The following VPS8 variants were observed in gnomAD, a reference collection of about 807,000 sequenced individuals.
The protein encoded by VPS8 is vacuolar protein sorting-associated protein 8 homolog.
A neutral mutation model predicts 216.4 loss-of-function variants in VPS8; 129 were observed. That is an observed-to-expected ratio of 0.60 (90% CI 0.52 to 0.69). VPS8 has a LOEUF of 0.69. VPS8 is among the 30% of genes least tolerant of loss of function. VPS8 has a pLI of 0.00. For synonymous variants in VPS8, 571 were observed against 565.4 expected, an observed-to-expected ratio of 1.01 and a Z score of -0.14; for missense variants, 1,531 against 1,683.5, an observed-to-expected ratio of 0.91 and a Z score of 1.59.
intron 21 of VPS8, among the ~76,000 whole-genome samples, chr3:184,878,030 G>A (rs572918871): frequency 6.6e-5 from 10 of 152,176 alleles, no homozygotes; most frequent in Middle Eastern, 6.8e-3. Flanking sequence ...TTGAAACAAC[G>A]TAGAGGTATA....
intron 3 of VPS8, among the ~76,000 whole-genome samples, chr3:184,830,269 GATCTGA>G (rs1560290354): frequency 6.6e-6 from 1 of 152,092 alleles, no homozygotes; most frequent in Non-Finnish European, 1.5e-5. Flanking sequence ...TATAGGTGTG[GATCTGA>G]GTCCATTGGT....
Position 184,923,360 on chromosome 3 carries a change from CAT to C in VPS8, c.2455-1501_2455-1500del, listed in dbSNP as rs1433013733. On this transcript the variant is annotated intron_variant, in intron 29 of 47. Coordinates refer to ENST00000625842, the MANE Select transcript of VPS8 (RefSeq NM_001009921.3). ...TCCTGTTTCATTGTTCCTTTAACCA[CAT>C]GTTTCCACACATAGGAATACTTGTC... 5.9e-5 allele frequency among the ~76,000 whole-genome samples: 9 copies of C among 152,290 alleles called. No individual in the cohort carries two copies. In the East Asian group the frequency reaches 1.2e-3, roughly 20 times the overall value.
At chr3:184,962,721 TTAAGTGTG>T (rs1253607466) in intron 37 of VPS8, among the ~76,000 whole-genome samples, 2 of 89,330 alleles carry the variant, frequency 2.2e-5, no homozygotes, top group Non-Finnish European at 4.4e-5. Context: ...TCTTTAAGGC[TTAAGTGTG>T]TGTGTGTGTG....
intron 8 of VPS8, 31 bp downstream of exon 8, chr3:184,843,276 G>C: frequency 1.5e-6 from 2 of 1,376,228 alleles, no homozygotes; most frequent in African/African-American, 2.9e-5. Context: ...TTGCATGAAT[G>C]GTTTCTTTTG....
chr3:185,050,591 C>T (rs1235352550), intron 47 of VPS8, among the ~76,000 whole-genome samples: 2 of 152,212 alleles, frequency 1.3e-5, no homozygotes, highest in African/African-American at 4.8e-5. Flanking sequence ...GAATCCCACA[C>T]CGCCACTCAC....
chr3:185,015,532 C>G (rs1452937664), intron 45 of VPS8, among the ~76,000 whole-genome samples: 4 of 152,190 alleles, frequency 2.6e-5, no homozygotes, highest in Non-Finnish European at 5.9e-5. Context: ...AAAACTTTAC[C>G]TGTTGATCCA....
intron 14 of VPS8, among the ~76,000 whole-genome samples, chr3:184,858,889 A>G (rs1725770984): frequency 1.3e-5 from 2 of 152,032 alleles, no homozygotes; most frequent in East Asian, 3.9e-4. Flanking sequence ...TCAGGATCAC[A>G]CTGATAAAAC....
intron 37 of VPS8, among the ~76,000 whole-genome samples, chr3:184,962,638 A>T (rs1429028327): frequency 1.3e-5 from 2 of 151,490 alleles, no homozygotes; most frequent in African/African-American, 4.9e-5. Context: ...TATGTGTTGG[A>T]GGTACTTTCT....
intron 46 of VPS8, among the ~76,000 whole-genome samples, chr3:185,027,178 G>A (rs896706291): frequency 1.3e-4 from 19 of 151,296 alleles, no homozygotes; most frequent in Non-Finnish European, 1.8e-4. Context: ...CTGTGAAGGC[G>A]CCAAGGAAAG....
intron 21 of VPS8, among the ~76,000 whole-genome samples, chr3:184,871,576 G>C (rs74764420): frequency 6.6e-6 from 1 of 152,008 alleles, no homozygotes; most frequent in Non-Finnish European, 1.5e-5. Flanking sequence ...CCTTAAAATT[G>C]TAAAGTCCAT....
chr3:184,918,151 G>C (rs1233365950), intron 28 of VPS8, among the ~76,000 whole-genome samples: 3 of 152,174 alleles, frequency 2.0e-5, no homozygotes, highest in Non-Finnish European at 4.4e-5. Flanking sequence ...GATATTTTAA[G>C]AGGCAAATCA....
intron 1 of VPS8, among the ~76,000 whole-genome samples, chr3:184,814,299 C>T (rs1202880027): frequency 1.3e-5 from 2 of 152,200 alleles, no homozygotes; most frequent in African/African-American, 4.8e-5. Context: ...CTGCAAAGGA[C>T]CAGTAACCCC....
At chr3:184,873,990 A>G (rs980489530) in intron 21 of VPS8, among the ~76,000 whole-genome samples, 1 of 152,146 alleles carries the variant, frequency 6.6e-6, no homozygotes, top group Admixed American at 6.6e-5. Flanking sequence ...GGTGAAGTGC[A>G]TGCACCGTCA....
rs747085489 is a variant in VPS8, at chr3:184,894,710, T to C, written c.1789T>C (p.Leu597=). Residue 597 remains leucine (L), a synonymous_variant, in exon 23 of 48, where the codon TTA becomes CTA. Coordinates refer to ENST00000625842, the MANE Select transcript of VPS8 (RefSeq NM_001009921.3). The stretch of plus-strand genomic sequence containing the variant: ...CCCCCCTTTCTGTTACAGGGATCTT[T>C]TATTTAGTCAGATGTATGATAAATT... ...YCLLLQRKDL[L]FSQMYDKLSE... is the part of the protein sequence containing the mutation. 1 of 1,597,190 alleles carries C rather than the reference T, an allele frequency of 6.3e-7. No homozygotes were observed. The highest frequency in any genetic ancestry group is 1.7e-5 in the Admixed American group (1 of 57,430).
chr3:184,852,849 C>T (rs1272506651), intron 11 of VPS8, among the ~76,000 whole-genome samples: 1 of 152,124 alleles, frequency 6.6e-6, no homozygotes, highest in African/African-American at 2.4e-5. Flanking sequence ...TGGAATAGCT[C>T]ACTAATTTTG....
chr3:185,036,820 C>T (rs1328574769), intron 46 of VPS8, among the ~76,000 whole-genome samples: 2 of 151,736 alleles, frequency 1.3e-5, no homozygotes, highest in Non-Finnish European at 2.9e-5. Context: ...ACAGATGCAA[C>T]AATAGGTTGT....
chr3:184,939,342 A>G (rs1742229012), intron 35 of VPS8, among the ~76,000 whole-genome samples: 1 of 152,044 alleles, frequency 6.6e-6, no homozygotes, highest in African/African-American at 2.4e-5. Context: ...TTTTATATTA[A>G]TCTTTTTCAT....
intron 46 of VPS8, among the ~76,000 whole-genome samples, chr3:185,039,329 A>G (rs1272741035): frequency 1.3e-5 from 2 of 152,044 alleles, no homozygotes; most frequent in Admixed American, 1.3e-4. Flanking sequence ...TTATAAAGAA[A>G]AGAGGTTTAT....
Position 184,854,124 on chromosome 3 carries a change from T to C in VPS8, c.986T>C (p.Ile329Thr). ...ATTTTTCTCTTACAGATACTGGTCA[T>C]TGGATTGAAACCATCCTTGAAAGTA... ...AMASLTKILV[I>T]GLKPSLKVWM... Residue 329 changes from isoleucine to threonine, a missense_variant, in exon 13 of 48, where the codon ATT (isoleucine) becomes ACT (threonine). Physicochemically the swap from Ile to Thr is moderately conservative, Grantham distance 89 (BLOSUM62 -1). This residue lies in a region of VPS8 where 1,318 missense variants were observed against 1,468.4 expected (regional missense o/e 0.90). Transcript: ENST00000625842. 6.2e-7 allele frequency: 1 copy of C among 1,613,822 alleles called. No homozygotes were observed. The highest frequency in any genetic ancestry group is 1.3e-5 in the African/African-American group (1 of 75,046).
Sources: gnomAD v4.1 joint callset for allele counts (sites outside exome capture counted in the v4.1 genomes callset) on GRCh38, gnomAD v4.1.1 for gene constraint, gnomAD v4.1.1 regional missense constraint, MANE v1.5 for transcripts, NCBI Gene and HGNC (gene_info 2026-07-23, HGNC 2026-07-21) for gene names.